ZMIZ1: variants seen among roughly 807,000 people sequenced by gnomAD.
ZMIZ1 encodes zinc finger MIZ domain-containing protein 1.
A neutral mutation model predicts 113.9 loss-of-function variants in ZMIZ1; 17 were observed. That is an observed-to-expected ratio of 0.15 (90% CI 0.10 to 0.22). The LOEUF is 0.22. Among genes scored for constraint, ZMIZ1 ranks in the 10% least tolerant of loss-of-function variants. The pLI, the probability that ZMIZ1 is intolerant of heterozygous loss-of-function variation, is 1.00. For missense variants in ZMIZ1, 1,059 were observed against 1,477.8 expected (o/e 0.72, Z 4.65); for synonymous variants, 607 against 603.1 (o/e 1.01, Z -0.09).
intron 3 of ZMIZ1, among the ~76,000 whole-genome samples, chr10:79,140,611 C>A (rs756120651): frequency 5.3e-5 from 8 of 152,144 alleles, no homozygotes; most frequent in Non-Finnish European, 1.2e-4. Context: ...TTCTTTTAGT[C>A]CTTCCACACT....
chr10:79,136,456 CTG>C (rs916727067), intron 2 of ZMIZ1, among the ~76,000 whole-genome samples: 91 of 152,206 alleles, frequency 6.0e-4, no homozygotes, highest in African/African-American at 2.1e-3. Flanking sequence ...CTCAGTGCAT[CTG>C]TGTGGAATGA....
rs137856131 is a variant in ZMIZ1 at position 79,188,617 on chromosome 10, G to C, written c.-49-12967G>C. 4.1e-3 allele frequency among the ~76,000 whole-genome samples: 618 copies of C among 151,650 alleles called. 5 individuals carry two copies. Among genetic ancestry groups the C allele is most frequent in the African/African-American group, 0.014 (593 of 41,192 alleles). On this transcript the variant is annotated intron_variant, in intron 4 of 24. Coordinates refer to ENST00000334512, the MANE Select transcript of ZMIZ1 (RefSeq NM_020338.4). Reference sequence around the variant, plus strand: ...GCTTGGAGCTAGGAATCTTCCTCCTGTCCCCCACCCCCCTAGTATCCCCTC... The same window carrying C: ...GCTTGGAGCTAGGAATCTTCCTCCTCTCCCCCACCCCCCTAGTATCCCCTC...
At chr10:79,114,378 G>A (rs1342605504) in intron 1 of ZMIZ1, among the ~76,000 whole-genome samples, 1 of 152,244 alleles carries the variant, frequency 6.6e-6, no homozygotes, top group Non-Finnish European at 1.5e-5. Flanking sequence ...TGAGGATGGA[G>A]GTTGAGTGAG....
chr10:79,198,176 G>C (rs538594370), intron 4 of ZMIZ1, among the ~76,000 whole-genome samples: 1 of 151,958 alleles, frequency 6.6e-6, no homozygotes, highest in African/African-American at 2.4e-5. Context: ...GGAGAATGGC[G>C]TGAACCCGGG....
intron 1 of ZMIZ1, among the ~76,000 whole-genome samples, chr10:79,083,597 TGAGCC>T (rs758456552): frequency 3.9e-5 from 6 of 152,170 alleles, no homozygotes; most frequent in Admixed American, 6.5e-5. Flanking sequence ...CTCTGGCTGA[TGAGCC>T]GAGAATAGAC....
chr10:79,234,758 G>A (rs1002379581), intron 7 of ZMIZ1, among the ~76,000 whole-genome samples: 5 of 152,204 alleles, frequency 3.3e-5, no homozygotes, highest in Admixed American at 6.5e-5. Flanking sequence ...CCACCTGTCA[G>A]CCTACTCCGG....
At chr10:79,073,924 G>A (rs1428137317) in intron 1 of ZMIZ1, among the ~76,000 whole-genome samples, 1 of 152,178 alleles carries the variant, frequency 6.6e-6, no homozygotes, top group Non-Finnish European at 1.5e-5. Context: ...CAGAACTGTG[G>A]AAGACAGTTC....
At chr10:79,310,596 G>A (rs1373241047) in intron 23 of ZMIZ1, among the ~76,000 whole-genome samples, 3 of 152,084 alleles carry the variant, frequency 2.0e-5, no homozygotes, top group Non-Finnish European at 4.4e-5. Context: ...GCTGTTGTTC[G>A]TTGTCTGGGC....
Position 79,306,268 on chromosome 10 carries a change from C to T in ZMIZ1, c.2592C>T (p.Ala864=). ...CCAATGTCATGGAGATGATCGCAGCCCTGGGCCCCGGCCCGTCCCCCTATC... is the reference window on the plus strand; with the variant it reads ...CCAATGTCATGGAGATGATCGCAGCTCTGGGCCCCGGCCCGTCCCCCTATC... ...IMPNVMEMIA[A]LGPGPSPYPL... is the part of the protein sequence containing the mutation. Residue 864 remains alanine, a synonymous_variant, in exon 22 of 25, where the codon GCC becomes GCT. Coordinates refer to ENST00000334512, the MANE Select transcript of ZMIZ1 (RefSeq NM_020338.4). 1 of 1,614,052 alleles carries T rather than the reference C, an allele frequency of 6.2e-7. No homozygotes were observed. Among genetic ancestry groups the T allele is most frequent in the Non-Finnish European group, 8.5e-7 (1 of 1,180,004 alleles).
chr10:79,089,243 G>A (rs781595217), intron 1 of ZMIZ1, among the ~76,000 whole-genome samples: 3 of 152,342 alleles, frequency 2.0e-5, no homozygotes, highest in East Asian at 3.9e-4. Context: ...CGGAGCCTCC[G>A]CATGTCAGAT....
chr10:79,175,630 G>GTGT (rs1429011082), intron 4 of ZMIZ1, among the ~76,000 whole-genome samples: 7 of 96,418 alleles, frequency 7.3e-5, no homozygotes, highest in African/African-American at 1.1e-4. Context: ...GTGTGTGTGT[G>GTGT]GAGGTTTTTA....
In ZMIZ1 at chr10:79,212,278, C is replaced by T. The variant is rs765542081; in HGVS notation, c.174+3829C>T. 7.9e-5 allele frequency among the ~76,000 whole-genome samples: 12 copies of T among 152,134 alleles called. 1 individual carries two copies. The highest frequency in any genetic ancestry group is 1.5e-4 in the Non-Finnish European group (10 of 68,038). ...GCTTAAGCGATCCTCCTGCCTCAGC[C>T]TCCTGGGTAACTGGGACTACAGGCA... On this transcript the variant is annotated intron_variant, in intron 6 of 24. Coordinates refer to ENST00000334512, the MANE Select transcript of ZMIZ1 (RefSeq NM_020338.4).
chr10:79,152,742 A>T (rs703998), intron 3 of ZMIZ1, among the ~76,000 whole-genome samples: 44,947 of 152,166 alleles, frequency 0.3, 7,877 homozygotes, highest in Non-Finnish European at 0.39. Flanking sequence ...CATGCCTCTG[A>T]GCCTCTGTTT....
chr10:79,287,540 G>C (rs935468555), intron 8 of ZMIZ1, among the ~76,000 whole-genome samples: 2 of 152,246 alleles, frequency 1.3e-5, no homozygotes, highest in Non-Finnish European at 2.9e-5. Context: ...CTGAACCTGT[G>C]TTCAAACCTA....
At chr10:79,113,802 ATT>A in intron 1 of ZMIZ1, among the ~76,000 whole-genome samples, 1 of 149,954 alleles carries the variant, frequency 6.7e-6, no homozygotes, top group Admixed American at 6.6e-5. Context: ...CCCCCTCTCC[ATT>A]GATGGCTCCT....
chr10:79,109,879 C>T (rs1464004311), intron 1 of ZMIZ1, among the ~76,000 whole-genome samples: 2 of 152,240 alleles, frequency 1.3e-5, no homozygotes, highest in Non-Finnish European at 2.9e-5. Flanking sequence ...AAGTCAAGTT[C>T]CTTCCCCCAG....
intron 1 of ZMIZ1, among the ~76,000 whole-genome samples, chr10:79,114,160 C>T (rs1843885775): frequency 6.6e-6 from 1 of 152,220 alleles, no homozygotes. Context: ...AGCTGGCTCC[C>T]CAGGTTGCCG....
chr10:79,229,592 C>A (rs1351716960), intron 7 of ZMIZ1, among the ~76,000 whole-genome samples: 2 of 152,162 alleles, frequency 1.3e-5, no homozygotes, highest in Non-Finnish European at 2.9e-5. Context: ...CAAACAGGCA[C>A]ATAATTATAA....
chr10:79,138,270 A>T (rs1279826113), intron 2 of ZMIZ1, among the ~76,000 whole-genome samples: 1 of 152,188 alleles, frequency 6.6e-6, no homozygotes, highest in Non-Finnish European at 1.5e-5. Context: ...CCAAGAGCAT[A>T]GGTTGTAGGG....
Sources: gnomAD v4.1 joint callset for allele counts (sites outside exome capture counted in the v4.1 genomes callset) on GRCh38, gnomAD v4.1.1 for gene constraint, MANE v1.5 for transcripts, NCBI Gene and HGNC (gene_info 2026-07-23, HGNC 2026-07-21) for gene names.